The following FOXP1 variants were observed in gnomAD, a reference collection of about 807,000 sequenced individuals.
FOXP1 encodes the protein forkhead box protein P1.
In FOXP1, 15 loss-of-function variants were observed where a neutral mutation model predicts 98.2. That is an observed-to-expected ratio of 0.15 (90% CI 0.10 to 0.24). FOXP1 has a LOEUF of 0.24. Ranked by LOEUF, FOXP1 falls within the 10% of genes least tolerant of loss-of-function variation. FOXP1 has a pLI of 1.00. For missense variants in FOXP1, 633 were observed against 848.5 expected (o/e 0.75, Z 3.15); for synonymous variants, 371 against 314.5 (o/e 1.18, Z -1.90).
At chr3:71,269,279 C>T (rs980686736) in intron 5 of FOXP1, among the ~76,000 whole-genome samples, 2 of 151,114 alleles carry the variant, frequency 1.3e-5, no homozygotes, top group Admixed American at 6.6e-5. Context: ...GATTTTAATC[C>T]GAAATTGCCA....
intron 4 of FOXP1, among the ~76,000 whole-genome samples, chr3:71,350,336 C>T (rs1377373631): frequency 6.6e-6 from 1 of 152,180 alleles, no homozygotes; most frequent in Non-Finnish European, 1.5e-5. Flanking sequence ...TCTGAGGCAT[C>T]ATTCCTGCTA....
At chr3:71,103,546 T>C (rs6773327) in intron 7 of FOXP1, among the ~76,000 whole-genome samples, 12,803 of 152,136 alleles carry the variant, frequency 0.084, 1,621 homozygotes, top group African/African-American at 0.28. Context: ...TCACTTCTGG[T>C]CCATGGTATT....
At chr3:71,210,497 A>AT (rs2064372126) in intron 5 of FOXP1, among the ~76,000 whole-genome samples, 1 of 152,154 alleles carries the variant, frequency 6.6e-6, no homozygotes, top group East Asian at 1.9e-4. Flanking sequence ...TTAACACCTG[A>AT]TGGACATGCA....
At chr3:71,501,731 T>A (rs1476966509) in intron 2 of FOXP1, among the ~76,000 whole-genome samples, 1 of 152,232 alleles carries the variant, frequency 6.6e-6, no homozygotes, top group Admixed American at 6.5e-5. Flanking sequence ...AATAATTTAA[T>A]GCCACTAACC....
chr3:71,078,598 T>C (rs1482609493), intron 7 of FOXP1, among the ~76,000 whole-genome samples: 1 of 152,102 alleles, frequency 6.6e-6, no homozygotes, highest in Non-Finnish European at 1.5e-5. Flanking sequence ...TTGCTAAATT[T>C]TGTTAAATGA....
At chr3:71,219,557 A>C (rs1372145562) in intron 5 of FOXP1, among the ~76,000 whole-genome samples, 3 of 152,248 alleles carry the variant, frequency 2.0e-5, no homozygotes, top group Admixed American at 6.5e-5. Flanking sequence ...ATACAGATCA[A>C]GTATTTCCAA....
chr3:70,970,603 G>A (rs997260974), intron 19 of FOXP1, 133 bp downstream of exon 19: 2 of 816,082 alleles, frequency 2.5e-6, no homozygotes, highest in Non-Finnish European at 4.3e-6. Flanking sequence ...GGAGTATGAT[G>A]CTTTGTGCAC....
intron 2 of FOXP1, among the ~76,000 whole-genome samples, chr3:71,502,813 A>T (rs2041495900): frequency 1.3e-5 from 2 of 152,178 alleles, no homozygotes; most frequent in South Asian, 4.1e-4. Context: ...TGACATCCAT[A>T]TTTTCCATGA....
chr3:71,323,534 A>G (rs1380463417), intron 4 of FOXP1, among the ~76,000 whole-genome samples: 3 of 152,188 alleles, frequency 2.0e-5, no homozygotes, highest in African/African-American at 7.2e-5. Context: ...AATAAGGACC[A>G]AGACCAAGCA....
chr3:71,101,315 C>CA lies in FOXP1; in HGVS notation c.282+11220dup, dbSNP rs1465467934. Among the ~76,000 whole-genome samples the CA allele has an allele frequency of 3.3e-5, 5 of 152,212 alleles. No homozygotes were observed. In the South Asian group the frequency reaches 1.0e-3, roughly 32 times the overall value. On this transcript the variant is annotated intron_variant, in intron 7 of 20. Transcript: ENST00000649528. Reference sequence around the variant, plus strand: ...AGGTAGGCACTTAGGAGCAGTACAACAGGTCTGGAGGCACCCATGTGTGTG... The same window carrying CA: ...AGGTAGGCACTTAGGAGCAGTACAACAAGGTCTGGAGGCACCCATGTGTGTG...
chr3:71,111,673 ACAGG>A (rs751481279), intron 7 of FOXP1, among the ~76,000 whole-genome samples: 12 of 152,314 alleles, frequency 7.9e-5, no homozygotes, highest in Non-Finnish European at 1.6e-4. Context: ...TGCTGGGATT[ACAGG>A]CGTGAGCCAC....
chr3:71,194,174 A>G (rs1181936273), intron 6 of FOXP1, among the ~76,000 whole-genome samples: 4 of 151,902 alleles, frequency 2.6e-5, no homozygotes, highest in Non-Finnish European at 4.4e-5. Flanking sequence ...TGCTCTCTTC[A>G]TATAAAATGA....
chr3:71,428,717 A>C (rs982033168), intron 3 of FOXP1, among the ~76,000 whole-genome samples: 35 of 152,222 alleles, frequency 2.3e-4, no homozygotes, highest in Admixed American at 2.3e-3. Flanking sequence ...GCAGGTCATG[A>C]GATTCAAAGG....
chr3:71,099,802 C>T (rs2056801115), intron 7 of FOXP1, among the ~76,000 whole-genome samples: 1 of 152,136 alleles, frequency 6.6e-6, no homozygotes, highest in South Asian at 2.1e-4. Flanking sequence ...CTGACATATA[C>T]AATCTCCAAA....
At chr3:71,036,599 T>C (rs796871905) in intron 11 of FOXP1, among the ~76,000 whole-genome samples, 3 of 152,306 alleles carry the variant, frequency 2.0e-5, no homozygotes, top group African/African-American at 7.2e-5. Flanking sequence ...AAAAAGCATA[T>C]GATGTGTTCA....
intron 11 of FOXP1, among the ~76,000 whole-genome samples, chr3:71,034,151 T>TG: frequency 6.6e-6 from 1 of 152,130 alleles, no homozygotes; most frequent in South Asian, 2.1e-4. Flanking sequence ...ATGAGGTGGG[T>TG]GCAAAGGAAA....
At chr3:71,532,962 T>C (rs907108286) in intron 2 of FOXP1, among the ~76,000 whole-genome samples, 2 of 152,140 alleles carry the variant, frequency 1.3e-5, no homozygotes, top group African/African-American at 4.8e-5. Context: ...ATTCAAACAT[T>C]CCAAATCAAA....
intron 5 of FOXP1, among the ~76,000 whole-genome samples, chr3:71,237,231 GAAAAAAAAAAAAAAAAAAAAA>G (rs757405755): frequency 3.5e-5 from 1 of 28,270 alleles, no homozygotes; most frequent in Non-Finnish European, 5.8e-5. Flanking sequence ...GACTCCATCT[GAAAAAAAAAAAAAAAAAAAAA>G]AAAAAAAAAA....
rs367745648 is a variant in FOXP1 at position 71,209,349 on chromosome 3, A to G, written c.-11-10957T>C. Among the ~76,000 whole-genome samples, 62 of 152,320 alleles carry G rather than the reference A, an allele frequency of 4.1e-4. 1 individual carries two copies. Among genetic ancestry groups the G allele is most frequent in the African/African-American group, 1.3e-3 (55 of 41,576 alleles). On this transcript the variant is annotated intron_variant, in intron 5 of 20. Transcript: ENST00000649528. ...TTTTATCAATGAAATATATGGGTCA[A>G]ACACAGATTCGAATCTTTAATGTTT...
Sources: allele counts gnomAD v4.1 joint callset (sites outside exome capture counted in the v4.1 genomes callset), GRCh38; gene constraint gnomAD v4.1.1; transcripts MANE v1.5; gene names NCBI Gene and HGNC (gene_info 2026-07-23, HGNC 2026-07-21).